Variants in VASH2 observed in about 807,000 individuals in gnomAD.
VASH2 encodes the protein vasohibin 2.
Under a neutral mutation model 37.2 loss-of-function variants are expected in VASH2, and 28 were observed. The ratio of observed to expected loss-of-function variants is 0.75; its 90% CI spans 0.56 to 1.03. The LOEUF (loss-of-function observed/expected upper bound fraction) is 1.03, where lower values mean the gene tolerates loss of function less well. VASH2 is among the 50% of genes least tolerant of loss of function. The pLI, the probability that VASH2 is intolerant of heterozygous loss-of-function variation, is 0.00. For missense variants in VASH2, 419 were observed against 459.1 expected (o/e 0.91, Z 0.80); for synonymous variants, 188 against 174.7 (o/e 1.08, Z -0.60).
rs747833049 is a variant in VASH2, at chr1:212,974,010, C to T, written c.935C>T (p.Ser312Phe). The change falls in exon 7 of 8, where the codon TCC (serine) becomes TTC (phenylalanine). Residue 312 changes from serine (S) to phenylalanine (F), a missense_variant. By Grantham distance (155) the Ser-to-Phe change is radical. Coordinates refer to ENST00000517399, the MANE Select transcript of VASH2 (RefSeq NM_001301056.2). ...ACCCAAGTGAGAAGCCGGGGAAAAT[C>T]CCTGTCCCCCAGAAGGAGACAGGCA... ...SPTQVRSRGKSLSPRRRQASP... is the reference protein window; with the variant it reads ...SPTQVRSRGKFLSPRRRQASP... 3.1e-6 allele frequency: 5 copies of T among 1,613,848 alleles called. No homozygotes were observed. In the African/African-American group the frequency reaches 6.7e-5, roughly 22 times the overall value.
rs1171296541 is a variant in VASH2, at chr1:212,990,517, T to TA, written c.*1935dup. 1 of 152,224 alleles carries TA rather than the reference T, an allele frequency of 6.6e-6. No individual in the cohort carries two copies. The highest frequency in any genetic ancestry group is 1.9e-4 in the East Asian group (1 of 5,200). The allele number at this position is 152,224 out of a possible 1,614,324, so 9.4% of individuals were successfully genotyped here. A position where few individuals can be genotyped will look rare whatever the true frequency, so the allele number is the denominator to read the frequency against. ...TTACATCTAATAAGTAGACCTCTTA[T>TA]AACACTGCAACCATTCTAAGAGTTG... On this transcript the variant is annotated 3_prime_UTR_variant, in exon 8 of 8. Coordinates refer to ENST00000517399, the MANE Select transcript of VASH2 (RefSeq NM_001301056.2).
chr1:212,970,477 C>G (rs1031124239), intron 5 of VASH2, among the ~76,000 whole-genome samples: 8 of 152,214 alleles, frequency 5.3e-5, no homozygotes, highest in African/African-American at 1.4e-4. Flanking sequence ...TTTCTTATAA[C>G]ACACTTCACA....
At chr1:212,964,641 C>G (rs1381407896) in intron 3 of VASH2, among the ~76,000 whole-genome samples, 2 of 152,288 alleles carry the variant, frequency 1.3e-5, no homozygotes, top group East Asian at 3.9e-4. Context: ...TGCAGCTTCT[C>G]AGATTTAGTA....
chr1:212,951,477 CCCGCCG>C lies in VASH2; in HGVS notation c.-55_-50del, dbSNP rs930397646. 1 of 1,067,950 alleles carries C rather than the reference CCCGCCG, an allele frequency of 9.4e-7. No individual in the cohort carries two copies. The highest frequency in any genetic ancestry group is 1.7e-5 in the African/African-American group (1 of 59,548). The allele number at this position is 1,067,950 out of a possible 1,614,324, so 66.2% of individuals were successfully genotyped here. A position where few individuals can be genotyped will look rare whatever the true frequency, so the allele number is the denominator to read the frequency against. ...TCGCCGCGCCCGCGCGCACACGCCC[CCCGCCG>C]CCGCCGCCGCTGCCGCCGCCGCGCG... On this transcript the variant is annotated 5_prime_UTR_variant, in exon 2 of 8. Transcript: ENST00000517399. This position sits in a 1 kb window ranked among gnomAD's most constrained non-coding sequence, Gnocchi z 4.4.
chr1:212,981,341 A>T (rs74572160), intron 7 of VASH2, among the ~76,000 whole-genome samples: 1,710 of 152,306 alleles, frequency 0.011, 15 homozygotes, highest in Non-Finnish European at 0.016. Context: ...AATGTGAGGG[A>T]GGAGCGGACT....
At chr1:212,958,339 G>T (rs566407146) in intron 2 of VASH2, among the ~76,000 whole-genome samples, 1 of 152,158 alleles carries the variant, frequency 6.6e-6, no homozygotes, top group Non-Finnish European at 1.5e-5. Flanking sequence ...GAATGTATAC[G>T]TTTGTCCTCC....
At chr1:212,983,976 C>A (rs1348544822) in intron 7 of VASH2, among the ~76,000 whole-genome samples, 1 of 152,210 alleles carries the variant, frequency 6.6e-6, no homozygotes, top group East Asian at 1.9e-4. Flanking sequence ...CCTCCATTAT[C>A]TCCTCTATAA....
Position 212,989,377 on chromosome 1 carries a change from C to CT in VASH2, c.*794dup, listed in dbSNP as rs562246437. On this transcript the variant is annotated 3_prime_UTR_variant, in exon 8 of 8. Coordinates refer to ENST00000517399, the MANE Select transcript of VASH2 (RefSeq NM_001301056.2). ...CACTAACATTTAAACTTTGCAGACT[C>CT]TAACAAAAAGCACAAGAGGTCACGT... The CT allele has an allele frequency of 1.3e-5, 2 of 152,270 alleles. No individual in the cohort carries two copies. The highest frequency in any genetic ancestry group is 4.1e-4 in the South Asian group (2 of 4,830). The allele number at this position is 152,270 out of a possible 1,614,324, so 9.4% of individuals were successfully genotyped here.
chr1:212,958,770 G>C (rs909426890), intron 2 of VASH2, among the ~76,000 whole-genome samples: 2 of 152,068 alleles, frequency 1.3e-5, no homozygotes, highest in African/African-American at 4.8e-5. Context: ...CTGGAGTGCG[G>C]TGGCCCATTT....
At position 212,950,856 on chromosome 1, in the gene VASH2, T is replaced by G. The variant is rs1666280912; in HGVS notation, c.-205+116T>G. 6.6e-6 allele frequency: 1 copy of G among 152,366 alleles called. No individual in the cohort carries two copies. Among genetic ancestry groups the G allele is most frequent in the South Asian group, 2.0e-4 (1 of 4,954 alleles). 9.4% of individuals were successfully genotyped at this position (152,366 alleles called of 1,614,324 possible). A position where few individuals can be genotyped will look rare whatever the true frequency, so the allele number is the denominator to read the frequency against. On this transcript the variant is annotated intron_variant, in intron 1 of 7. Transcript: ENST00000517399. This position sits in a 1 kb window ranked among gnomAD's most constrained non-coding sequence, Gnocchi z 5.5. The stretch of plus-strand genomic sequence containing the variant: ...AGGGGGCGGATGGAGCTCTTTCCAC[T>G]AGATCCCCGCCGGGGTCCGGGAGGG...
chr1:212,988,758 A>G lies in VASH2; in HGVS notation c.*174A>G. ...AACCATTAGCTTTAAAAAATTCACTAAAAGGCACCATGAAAAGGCTGAAGT... is the reference window on the plus strand; with the variant it reads ...AACCATTAGCTTTAAAAAATTCACTGAAAGGCACCATGAAAAGGCTGAAGT... On this transcript the variant is annotated 3_prime_UTR_variant, in exon 8 of 8. Transcript: ENST00000517399. The G allele has an allele frequency of 1.5e-6, 1 of 681,432 alleles. No individual in the cohort carries two copies. Among genetic ancestry groups the G allele is most frequent in the East Asian group, 2.8e-5 (1 of 35,266 alleles). 42.2% of individuals were successfully genotyped at this position (681,432 alleles called of 1,614,324 possible).
At chr1:212,959,698 G>A (rs1308846418) in intron 2 of VASH2, among the ~76,000 whole-genome samples, 9 of 152,234 alleles carry the variant, frequency 5.9e-5, no homozygotes, top group South Asian at 2.1e-4. Context: ...TGGGGCTGGC[G>A]CCTGGAGAGT....
At position 212,966,079 on chromosome 1, in the gene VASH2, A is replaced by G. The variant is rs73084270; in HGVS notation, c.423-192A>G. On this transcript the variant is annotated intron_variant, in intron 4 of 7. Transcript: ENST00000517399. Reference sequence around the variant, plus strand: ...CGTGCTGGGGCATTGGGAGGGTGCTATGGAGTACTGGCACTAACTCCAGGA... The same window carrying G: ...CGTGCTGGGGCATTGGGAGGGTGCTGTGGAGTACTGGCACTAACTCCAGGA... 0.01 allele frequency: 6,229 copies of G among 614,188 alleles called. 282 individuals are homozygous for G. In the African/African-American group the frequency reaches 0.1, roughly 10 times the overall value. 38.0% of individuals were successfully genotyped at this position (614,188 alleles called of 1,614,324 possible). A position where few individuals can be genotyped will look rare whatever the true frequency, so the allele number is the denominator to read the frequency against.
intron 2 of VASH2, 108 bp from the exon 3 acceptor site, chr1:212,961,058 C>G: frequency 9.2e-7 from 1 of 1,083,896 alleles, no homozygotes; most frequent in Admixed American, 1.8e-5. Context: ...GCCATCGGCT[C>G]TCAGGAGCAC....
chr1:212,961,529 CT>C (rs1558143517), intron 3 of VASH2, among the ~76,000 whole-genome samples: 2 of 152,100 alleles, frequency 1.3e-5, no homozygotes, highest in African/African-American at 4.8e-5. Context: ...CTGAGCACCC[CT>C]CTTCCTTCTA....
chr1:212,985,349 C>T (rs1667449183), intron 7 of VASH2, among the ~76,000 whole-genome samples: 1 of 151,258 alleles, frequency 6.6e-6, no homozygotes, highest in Non-Finnish European at 1.5e-5. Context: ...CCATGATTCA[C>T]TTTTATGTAA....
At chr1:212,965,695 C>G in intron 3 of VASH2, 27 bp from the exon 4 acceptor site, 1 of 1,542,886 alleles carries the variant, frequency 6.5e-7, no homozygotes, top group African/African-American at 1.4e-5. Flanking sequence ...AGTTTTCTGT[C>G]ACTTTCCCTT....
At chr1:212,955,012 CCT>C (rs1160819433) in intron 2 of VASH2, among the ~76,000 whole-genome samples, 4 of 152,194 alleles carry the variant, frequency 2.6e-5, no homozygotes, top group Admixed American at 1.3e-4. Flanking sequence ...AGGGGCCACT[CCT>C]CTCGGATTAG....
chr1:212,977,800 C>T (rs1035768557), intron 7 of VASH2, among the ~76,000 whole-genome samples: 2 of 152,200 alleles, frequency 1.3e-5, no homozygotes, highest in Non-Finnish European at 2.9e-5. Context: ...TGATTCAGCA[C>T]ATATGGGATG....
Sources: gnomAD v4.1 joint callset for allele counts (sites outside exome capture counted in the v4.1 genomes callset) on GRCh38, gnomAD v4.1.1 for gene constraint, Gnocchi (gnomAD v3.1) non-coding constraint, MANE v1.5 for transcripts, NCBI Gene and HGNC (gene_info 2026-07-23, HGNC 2026-07-21) for gene names.